The following SPTSSB variants were observed in gnomAD, a reference collection of about 807,000 sequenced individuals.
The protein encoded by SPTSSB is androgen down regulated in mouse prostate.
In SPTSSB, 6 loss-of-function variants were observed where a neutral mutation model predicts 7.7. The observed-to-expected ratio is 0.78, with a 90% CI of 0.43 to 1.54. The LOEUF (loss-of-function observed/expected upper bound fraction) is 1.54. SPTSSB is among the 40% of genes most tolerant of loss of function. The pLI, the probability that SPTSSB is intolerant of heterozygous loss-of-function variation, is 0.01. For missense variants in SPTSSB, 91 were observed against 93.0 expected (o/e 0.98, Z 0.09); for synonymous variants, 28 against 29.7 (o/e 0.94, Z 0.19).
chr3:161,369,337 T>TC (rs1187322999), intron 1 of SPTSSB, among the ~76,000 whole-genome samples: 2 of 106,436 alleles, frequency 1.9e-5, no homozygotes, highest in African/African-American at 8.0e-5. Flanking sequence ...TCTTTCTTTC[T>TC]TTCTTTCTTT....
rs140095960 is a variant in SPTSSB at position 161,360,236 on chromosome 3, C to A, written c.-125-342G>T. Among the ~76,000 whole-genome samples the A allele has an allele frequency of 1.1e-4, 16 of 152,256 alleles. No individual in the cohort carries two copies. The East Asian group carries it at 2.9e-3, about 28-fold the overall frequency. On this transcript the variant is annotated intron_variant, in intron 1 of 2. Transcript: ENST00000620149. ...GAGCAGACTGCTTTTGATCTGCTCTCTAATTCAGTTTTTGGGTGAGATTTT... is the reference window on the plus strand; with the variant it reads ...GAGCAGACTGCTTTTGATCTGCTCTATAATTCAGTTTTTGGGTGAGATTTT...
intron 2 of SPTSSB, among the ~76,000 whole-genome samples, chr3:161,347,336 C>T (rs1237374368): frequency 6.6e-6 from 1 of 152,094 alleles, no homozygotes; most frequent in African/African-American, 2.4e-5. Context: ...TCGCTCACTA[C>T]AACTTCCACC....
intron 1 of SPTSSB, 23 bp downstream of exon 1, chr3:161,371,412 T>G (rs1715503520): frequency 3.0e-6 from 3 of 985,136 alleles, no homozygotes; most frequent in Admixed American, 6.1e-5. Context: ...ACAGTTCAAG[T>G]AGGTATTTTG....
chr3:161,358,640 AG>A, intron 2 of SPTSSB, among the ~76,000 whole-genome samples: 1 of 152,164 alleles, frequency 6.6e-6, no homozygotes, highest in East Asian at 1.9e-4. Context: ...ATCATTTTTA[AG>A]GTGGGGCATA....
intron 1 of SPTSSB, among the ~76,000 whole-genome samples, chr3:161,361,338 C>T (rs1715007133): frequency 6.6e-6 from 1 of 152,070 alleles, no homozygotes; most frequent in Non-Finnish European, 1.5e-5. Context: ...CTAGACAACA[C>T]CTTCTAAGTG....
In SPTSSB at chr3:161,346,315, C is replaced by G; in HGVS notation, c.9G>C (p.Leu3Phe). The G allele has an allele frequency of 2.5e-6, 4 of 1,609,542 alleles. No individual in the cohort carries two copies. The highest frequency in any genetic ancestry group is 3.4e-6 in the Non-Finnish European group (4 of 1,176,018). Residue 3 changes from leucine to phenylalanine, a missense_variant, in exon 3 of 3, where the codon TTG becomes TTC. Coordinates refer to ENST00000620149, the MANE Select transcript of SPTSSB (RefSeq NM_001040100.2). MD[L>F]RRVKEYFSWL... ...AGGAGAAATATTCCTTCACACGCCT[C>G]AAATCCATGGTTGGCTCCTTCAAGC...
At chr3:161,362,037 T>C (rs1715039221) in intron 1 of SPTSSB, among the ~76,000 whole-genome samples, 1 of 152,116 alleles carries the variant, frequency 6.6e-6, no homozygotes, top group South Asian at 2.1e-4. Flanking sequence ...TGTTCAAAGT[T>C]TTAGGCAATA....
rs536879048 is a variant in SPTSSB at position 161,346,354 on chromosome 3, T to A, written c.-31A>T. ...GCTCCTTCAAGCTGCAGTAAGTTTG[T>A]CCTGTTAAAGAATGTAACAGATTAG... On this transcript the variant is annotated splice_region_variant and 5_prime_UTR_variant, in exon 3 of 3. Transcript: ENST00000620149. The A allele has an allele frequency of 1.3e-6, 2 of 1,489,560 alleles. No homozygotes were observed. The highest frequency in any genetic ancestry group is 1.9e-6 in the Non-Finnish European group (2 of 1,066,790). 92.3% of individuals were successfully genotyped at this position (1,489,560 alleles called of 1,614,324 possible). A position where few individuals can be genotyped will look rare whatever the true frequency, so the allele number is the denominator to read the frequency against.
chr3:161,370,964 G>A (rs1275182921), intron 1 of SPTSSB, among the ~76,000 whole-genome samples: 2 of 152,176 alleles, frequency 1.3e-5, no homozygotes, highest in East Asian at 3.8e-4. Flanking sequence ...ATGTTAAAAT[G>A]TATTCCTTGT....
chr3:161,353,831 C>T (rs1576896982), intron 2 of SPTSSB, among the ~76,000 whole-genome samples: 1 of 152,066 alleles, frequency 6.6e-6, no homozygotes, highest in East Asian at 1.9e-4. Flanking sequence ...GTTTTCTGTG[C>T]CCTACAGAAA....
chr3:161,369,985 CA>C (rs1281455058), intron 1 of SPTSSB, among the ~76,000 whole-genome samples: 3 of 152,082 alleles, frequency 2.0e-5, no homozygotes, highest in African/African-American at 7.2e-5. Context: ...TAATTTTCAC[CA>C]GTTATTGTTG....
intron 2 of SPTSSB, among the ~76,000 whole-genome samples, chr3:161,352,602 T>A (rs1469876395): frequency 6.6e-6 from 1 of 152,226 alleles, no homozygotes; most frequent in Non-Finnish European, 1.5e-5. Flanking sequence ...GCCTGTTGGC[T>A]GACTGACCGA....
chr3:161,347,487 C>A (rs2108153032), intron 2 of SPTSSB, among the ~76,000 whole-genome samples: 1 of 151,480 alleles, frequency 6.6e-6, no homozygotes, highest in African/African-American at 2.4e-5. Flanking sequence ...GTCTTGAACT[C>A]CTGACCACAG....
chr3:161,359,717 T>C, intron 2 of SPTSSB, 85 bp downstream of exon 2: 1 of 984,964 alleles, frequency 1.0e-6, no homozygotes, highest in Non-Finnish European at 1.2e-6. Flanking sequence ...AGGAGAGAAC[T>C]AGATGTGTTA....
At chr3:161,360,348 T>TA (rs1424681094) in intron 1 of SPTSSB, among the ~76,000 whole-genome samples, 1 of 152,214 alleles carries the variant, frequency 6.6e-6, no homozygotes, top group African/African-American at 2.4e-5. Context: ...TCACTATCTA[T>TA]AAAAAATTTG....
At chr3:161,370,722 T>C (rs748592876) in intron 1 of SPTSSB, among the ~76,000 whole-genome samples, 9 of 152,216 alleles carry the variant, frequency 5.9e-5, no homozygotes, top group Non-Finnish European at 1.3e-4. Context: ...TGGACTGGGC[T>C]CATATGTGAA....
chr3:161,360,601 C>T (rs1055696138), intron 1 of SPTSSB, among the ~76,000 whole-genome samples: 2 of 152,048 alleles, frequency 1.3e-5, no homozygotes, highest in Non-Finnish European at 2.9e-5. Context: ...AGTAGTTAGC[C>T]CCAGATTTTT....
chr3:161,353,918 C>A (rs1024388847), intron 2 of SPTSSB, among the ~76,000 whole-genome samples: 2 of 152,022 alleles, frequency 1.3e-5, no homozygotes, highest in African/African-American at 2.4e-5. Context: ...CTTTGGCAAC[C>A]AATTCCTCAT....
Position 161,345,766 on chromosome 3 carries a change from C to G in SPTSSB, c.*327G>C, listed in dbSNP as rs1714192391. ...CACTTTAAGCATGATTCTGGTAGGTCTGTTAGGAGTCTATTTTCCAGAAAA... is the reference window on the plus strand; with the variant it reads ...CACTTTAAGCATGATTCTGGTAGGTGTGTTAGGAGTCTATTTTCCAGAAAA... On this transcript the variant is annotated 3_prime_UTR_variant, in exon 3 of 3. Coordinates refer to ENST00000620149, the MANE Select transcript of SPTSSB (RefSeq NM_001040100.2). 8.5e-6 allele frequency: 2 copies of G among 235,344 alleles called. No homozygotes were observed. Among genetic ancestry groups the G allele is most frequent in the Admixed American group, 1.0e-4 (2 of 19,190 alleles). The allele number at this position is 235,344 out of a possible 1,614,324, so 14.6% of individuals were successfully genotyped here. A position where few individuals can be genotyped will look rare whatever the true frequency, so the allele number is the denominator to read the frequency against.
Sources: allele counts gnomAD v4.1 joint callset (sites outside exome capture counted in the v4.1 genomes callset), GRCh38; gene constraint gnomAD v4.1.1; transcripts MANE v1.5; gene names NCBI Gene and HGNC (gene_info 2026-07-23, HGNC 2026-07-21).